PTPRT: variants seen among roughly 807,000 people sequenced by gnomAD.
PTPRT encodes protein tyrosine phosphatase receptor type T.
PTPRT carries 56 observed loss-of-function variants against 176.8 expected under a neutral mutation model. The ratio of observed to expected loss-of-function variants is 0.32; its 90% CI spans 0.26 to 0.40. The LOEUF is 0.40. PTPRT is among the 10% of genes least tolerant of loss of function. The probability of loss-of-function intolerance (pLI) is 1.00; values close to 1 mark genes in which losing one functional copy is unlikely to be tolerated. For missense variants in PTPRT, 1,540 were observed against 1,908.2 expected (o/e 0.81, Z 3.60); for synonymous variants, 783 against 739.0 (o/e 1.06, Z -0.96).
intron 17 of PTPRT, among the ~76,000 whole-genome samples, chr20:42,159,021 G>C (rs1246817957): frequency 4.0e-5 from 6 of 151,524 alleles, no homozygotes; most frequent in Non-Finnish European, 8.8e-5. Flanking sequence ...CATGAAAGTA[G>C]TCAAATACAC....
chr20:43,076,993 C>T (rs377605171), intron 1 of PTPRT, among the ~76,000 whole-genome samples: 1 of 152,122 alleles, frequency 6.6e-6, no homozygotes, highest in African/African-American at 2.4e-5. Context: ...GGGATCACAC[C>T]AGTTCCTGCT....
chr20:43,079,185 C>CCCA, intron 1 of PTPRT, among the ~76,000 whole-genome samples: 1 of 104,030 alleles, frequency 9.6e-6, no homozygotes, highest in South Asian at 4.0e-4. Context: ...CCTCCCCCCC[C>CCCA]CCAGCCCCCT....
At chr20:42,452,513 C>T (rs566573139) in intron 8 of PTPRT, among the ~76,000 whole-genome samples, 4 of 151,834 alleles carry the variant, frequency 2.6e-5, no homozygotes, top group South Asian at 2.1e-4. Context: ...TAGTGGGGGA[C>T]GAATTACATC....
rs1039637060 is a variant in PTPRT, at chr20:42,110,203, T to C, written c.3254+130A>G. The C allele has an allele frequency of 7.9e-5, 65 of 820,994 alleles. No individual in the cohort carries two copies. The African/African-American group carries it at 9.8e-4, about 12-fold the overall frequency. 50.9% of individuals were successfully genotyped at this position (820,994 alleles called of 1,614,324 possible). On this transcript the variant is annotated intron_variant, in intron 23 of 30. Transcript: ENST00000373187. ...CTGGGATTACAGATGTATGCCACCA[T>C]GACCAGCTAAGTTTTTGTATCTTTC...
intron 2 of PTPRT, among the ~76,000 whole-genome samples, chr20:42,798,658 C>T (rs2077486696): frequency 6.6e-6 from 1 of 151,958 alleles, no homozygotes; most frequent in Admixed American, 6.6e-5. Context: ...AAAGATACAT[C>T]CTGAAACTTC....
chr20:42,040,533 C>G, the PTPRT span, among the ~76,000 whole-genome samples: 1 of 152,146 alleles, frequency 6.6e-6, no homozygotes. Flanking sequence ...CATCTACTTT[C>G]CCTCACCATC....
At chr20:42,966,639 G>C (rs974687555) in intron 1 of PTPRT, among the ~76,000 whole-genome samples, 7 of 152,200 alleles carry the variant, frequency 4.6e-5, no homozygotes, top group Non-Finnish European at 1.0e-4. Context: ...TGGGTGTCAA[G>C]AGCAATCACA....
intron 7 of PTPRT, among the ~76,000 whole-genome samples, chr20:42,667,704 C>A (rs942615296): frequency 6.6e-6 from 1 of 152,126 alleles, no homozygotes; most frequent in South Asian, 2.1e-4. Flanking sequence ...TTGCTGCTTG[C>A]GGAGTTCAAT....
At chr20:43,147,219 T>C (rs2014195554) in intron 1 of PTPRT, among the ~76,000 whole-genome samples, 1 of 152,190 alleles carries the variant, frequency 6.6e-6, no homozygotes, top group Non-Finnish European at 1.5e-5. Context: ...CTATGTGCCC[T>C]GCAGCTTGGA....
At chr20:42,263,378 T>C (rs1171112650) in intron 13 of PTPRT, among the ~76,000 whole-genome samples, 1 of 130,540 alleles carries the variant, frequency 7.7e-6, no homozygotes, top group Non-Finnish European at 1.6e-5. Flanking sequence ...TGGCTTTTTT[T>C]TTTTTTTTTT....
At chr20:42,259,085 A>G (rs576497227) in intron 13 of PTPRT, among the ~76,000 whole-genome samples, 2 of 152,302 alleles carry the variant, frequency 1.3e-5, no homozygotes, top group African/African-American at 4.8e-5. Context: ...AATAGCTTTA[A>G]TTGATTGTTT....
intron 9 of PTPRT, among the ~76,000 whole-genome samples, chr20:42,446,621 T>TGAGAGAGA (rs369315599): frequency 2.3e-5 from 3 of 130,084 alleles, no homozygotes; most frequent in South Asian, 2.5e-4. Context: ...TGTGTGTGTG[T>TGAGAGAGA]GAGAGAGAGA....
intron 16 of PTPRT, among the ~76,000 whole-genome samples, chr20:42,181,584 G>T (rs987976405): frequency 6.6e-6 from 1 of 152,118 alleles, no homozygotes; most frequent in Admixed American, 6.5e-5. Flanking sequence ...ATGTCTGCAG[G>T]TCCTCATTGT....
At chr20:42,602,446 T>C (rs1464526837) in intron 7 of PTPRT, among the ~76,000 whole-genome samples, 1 of 152,182 alleles carries the variant, frequency 6.6e-6, no homozygotes, top group East Asian at 1.9e-4. Context: ...TTGATAGTGC[T>C]TACTTTCTGC....
intron 8 of PTPRT, among the ~76,000 whole-genome samples, chr20:42,467,611 T>C (rs372900933): frequency 3.0e-4 from 46 of 152,346 alleles, no homozygotes; most frequent in African/African-American, 1.1e-3. Flanking sequence ...TTAGGTCTTG[T>C]ATGCTAATTG....
At chr20:42,839,622 C>A (rs2078243021) in intron 2 of PTPRT, among the ~76,000 whole-genome samples, 1 of 152,118 alleles carries the variant, frequency 6.6e-6, no homozygotes, top group Non-Finnish European at 1.5e-5. Context: ...TCCCTTGAAT[C>A]CTGCTGGCCA....
At chr20:42,052,295 C>T in the PTPRT span, among the ~76,000 whole-genome samples, 1 of 152,226 alleles carries the variant, frequency 6.6e-6, no homozygotes, top group Non-Finnish European at 1.5e-5. Flanking sequence ...ATGGCAGACT[C>T]ACATGAGACC....
At chr20:43,112,841 GA>G (rs2012918268) in intron 1 of PTPRT, among the ~76,000 whole-genome samples, 1 of 151,956 alleles carries the variant, frequency 6.6e-6, no homozygotes, top group Admixed American at 6.6e-5. Flanking sequence ...ACTCATTCGT[GA>G]TATAAACGTA....
At chr20:42,601,952 G>A (rs576655370) in intron 7 of PTPRT, among the ~76,000 whole-genome samples, 2 of 152,264 alleles carry the variant, frequency 1.3e-5, no homozygotes, top group East Asian at 1.9e-4. Context: ...GGTGCCCTGG[G>A]TGTGAATAAC....
Sources: allele counts gnomAD v4.1 joint callset (sites outside exome capture counted in the v4.1 genomes callset), GRCh38; gene constraint gnomAD v4.1.1; transcripts MANE v1.5; gene names NCBI Gene and HGNC (gene_info 2026-07-23, HGNC 2026-07-21).